KPNA1: variants seen among roughly 807,000 people sequenced by gnomAD.
The protein encoded by KPNA1 is karyopherin subunit alpha 1.
In KPNA1, 10 loss-of-function variants were observed where a neutral mutation model predicts 70.5. The ratio of observed to expected loss-of-function variants is 0.14; its 90% CI spans 0.09 to 0.24. The LOEUF is 0.24. Among genes scored for constraint, KPNA1 ranks in the 10% least tolerant of loss-of-function variants. The pLI is 1.00. For synonymous variants in KPNA1, 192 were observed against 221.9 expected (o/e 0.87, Z 1.20); for missense variants, 397 against 637.9 (o/e 0.62, Z 4.07).
At chr3:122,491,763 C>T (rs2076700668) in intron 2 of KPNA1, among the ~76,000 whole-genome samples, 1 of 147,904 alleles carries the variant, frequency 6.8e-6, no homozygotes, top group East Asian at 2.0e-4. Context: ...AGATGTACCA[C>T]GGTATCTAAA....
rs1040645036 is a variant in KPNA1 at position 122,434,098 on chromosome 3, G to A, written c.1123-310C>T. 7.2e-5 allele frequency among the ~76,000 whole-genome samples: 11 copies of A among 152,086 alleles called. No homozygotes were observed. In the East Asian group the frequency reaches 1.2e-3, roughly 16 times the overall value. ...ACTACAGGTGCACACCACCAAACCC[G>A]GCTAATTTTTGTACTTTTAGTAGAG... On this transcript the variant is annotated intron_variant, in intron 11 of 13. Coordinates refer to ENST00000344337, the MANE Select transcript of KPNA1 (RefSeq NM_002264.4).
intron 10 of KPNA1, among the ~76,000 whole-genome samples, chr3:122,439,422 T>C (rs938381009): frequency 2.0e-5 from 3 of 152,122 alleles, no homozygotes; most frequent in African/African-American, 7.2e-5. Context: ...ACTCCTGGGC[T>C]CAGGCAATTC....
At position 122,463,909 on chromosome 3, in the gene KPNA1, T is replaced by C. The variant is rs772202122; in HGVS notation, c.337+33A>G. ...ATGGGAAAGTAATTTTGTAGAGAGA[T>C]GAAAAAATATACTGAACATATTCAT... is the stretch of plus-strand genomic sequence containing the variant. On this transcript the variant is annotated intron_variant, in intron 4 of 13. Coordinates refer to ENST00000344337, the MANE Select transcript of KPNA1 (RefSeq NM_002264.4). 11 of 1,206,460 alleles carry C rather than the reference T, an allele frequency of 9.1e-6. No homozygotes were observed. The East Asian group carries it at 1.2e-4, about 13-fold the overall frequency. The allele number at this position is 1,206,460 out of a possible 1,614,324, so 74.7% of individuals were successfully genotyped here. A position where few individuals can be genotyped will look rare whatever the true frequency, so the allele number is the denominator to read the frequency against.
chr3:122,457,891 AC>A (rs2076281863), intron 5 of KPNA1: 1 of 1,282,148 alleles, frequency 7.8e-7, no homozygotes, highest in Non-Finnish European at 1.0e-6. Flanking sequence ...AGAAAAATAA[AC>A]CCAGATAGCA....
intron 1 of KPNA1, among the ~76,000 whole-genome samples, chr3:122,508,408 T>G (rs1404408472): frequency 2.6e-5 from 4 of 152,176 alleles, no homozygotes; most frequent in Non-Finnish European, 5.9e-5. Flanking sequence ...TCAGAAGGTT[T>G]GTTGAAAGTC....
At chr3:122,430,515 A>AGTGTGTGT (rs10662409) in intron 12 of KPNA1, among the ~76,000 whole-genome samples, 1,623 of 141,454 alleles carry the variant, frequency 0.011, 17 homozygotes, top group Middle Eastern at 0.025. Flanking sequence ...CTGTACTACC[A>AGTGTGTGT]GTGTGTGTGT....
At chr3:122,449,483 C>T in intron 9 of KPNA1, 91 bp downstream of exon 9, 1 of 1,010,864 alleles carries the variant, frequency 9.9e-7, no homozygotes, top group Non-Finnish European at 1.5e-6. Flanking sequence ...AATCAATTAT[C>T]ATGTACAATC....
chr3:122,452,859 AAGAG>A (rs534353233), intron 6 of KPNA1, among the ~76,000 whole-genome samples: 9 of 152,006 alleles, frequency 5.9e-5, no homozygotes, highest in East Asian at 1.9e-4. Context: ...AAGAGACAGA[AAGAG>A]AGTATTTTCT....
intron 2 of KPNA1, among the ~76,000 whole-genome samples, chr3:122,488,566 G>A (rs912949654): frequency 1.2e-4 from 18 of 152,196 alleles, no homozygotes; most frequent in African/African-American, 4.1e-4. Flanking sequence ...GATACATATT[G>A]AAGTATTTAC....
chr3:122,484,658 TA>T (rs936479788), intron 2 of KPNA1, among the ~76,000 whole-genome samples: 10 of 147,264 alleles, frequency 6.8e-5, no homozygotes, highest in Non-Finnish European at 1.2e-4. Flanking sequence ...AAAATAATAA[TA>T]AAAAAAATAA....
chr3:122,480,916 G>A (rs750700205), intron 2 of KPNA1, among the ~76,000 whole-genome samples: 1 of 152,110 alleles, frequency 6.6e-6, no homozygotes, highest in Non-Finnish European at 1.5e-5. Flanking sequence ...TTGACCCTGG[G>A]AGCTCAAAGC....
intron 12 of KPNA1, chr3:122,432,437 T>C (rs1269832350): frequency 6.6e-6 from 1 of 152,236 alleles, no homozygotes; most frequent in Non-Finnish European, 1.5e-5. Context: ...CTGTACTTTG[T>C]TACTATTTTT....
chr3:122,436,560 C>T (rs752404222), intron 11 of KPNA1, among the ~76,000 whole-genome samples: 1 of 152,140 alleles, frequency 6.6e-6, no homozygotes, highest in East Asian at 1.9e-4. Context: ...TTAGGGAAAA[C>T]AGAAAAGAAC....
chr3:122,484,069 G>C (rs1356421606), intron 2 of KPNA1, among the ~76,000 whole-genome samples: 1 of 152,144 alleles, frequency 6.6e-6, no homozygotes, highest in Non-Finnish European at 1.5e-5. Flanking sequence ...TGGTAGTGCT[G>C]TTTTCCTAAT....
chr3:122,505,775 C>A (rs1484967746), intron 1 of KPNA1, among the ~76,000 whole-genome samples: 1 of 152,198 alleles, frequency 6.6e-6, no homozygotes, highest in African/African-American at 2.4e-5. Flanking sequence ...CTTATTCTAT[C>A]CAAAGTCTTT....
chr3:122,449,498 A>T, intron 9 of KPNA1, 76 bp downstream of exon 9: 1 of 1,140,988 alleles, frequency 8.8e-7, no homozygotes, highest in Non-Finnish European at 1.3e-6. Flanking sequence ...ACAATCCATT[A>T]ATATTTAAGT....
intron 2 of KPNA1, among the ~76,000 whole-genome samples, chr3:122,473,777 C>T (rs1051283801): frequency 6.6e-6 from 1 of 152,166 alleles, no homozygotes; most frequent in African/African-American, 2.4e-5. Flanking sequence ...CTAGAAGCTT[C>T]TCTGCTAAGA....
chr3:122,505,586 C>T (rs2076881943), intron 1 of KPNA1, among the ~76,000 whole-genome samples: 1 of 151,930 alleles, frequency 6.6e-6, no homozygotes, highest in East Asian at 1.9e-4. Context: ...GAATCAGAAG[C>T]CTTCAAAATT....
At chr3:122,441,059 A>G (rs2076055810) in intron 10 of KPNA1, among the ~76,000 whole-genome samples, 2 of 152,378 alleles carry the variant, frequency 1.3e-5, no homozygotes, top group South Asian at 2.1e-4. Flanking sequence ...CCAATTCCCA[A>G]TTCTGAATCC....
Sources: allele counts gnomAD v4.1 joint callset (sites outside exome capture counted in the v4.1 genomes callset), GRCh38; gene constraint gnomAD v4.1.1; transcripts MANE v1.5; gene names NCBI Gene and HGNC (gene_info 2026-07-23, HGNC 2026-07-21).